The following MEGF9 variants were observed in gnomAD, a reference collection of about 807,000 sequenced individuals.
MEGF9 encodes multiple EGF like domains 9.
Under a neutral mutation model 46.8 loss-of-function variants are expected in MEGF9, and 6 were observed. That is an observed-to-expected ratio of 0.13 (90% CI 0.07 to 0.25). MEGF9 has a LOEUF of 0.25. MEGF9 is among the 10% of genes least tolerant of loss of function. MEGF9 has a pLI of 1.00. For missense variants in MEGF9, 683 were observed against 792.4 expected, an observed-to-expected ratio of 0.86 and a Z score of 1.66; for synonymous variants, 302 against 330.7, an observed-to-expected ratio of 0.91 and a Z score of 0.94.
At chr9:120,668,320 A>G (rs1001633610) in intron 1 of MEGF9, among the ~76,000 whole-genome samples, 1 of 152,234 alleles carries the variant, frequency 6.6e-6, no homozygotes, top group Admixed American at 6.5e-5. Context: ...GAAACTTAAT[A>G]TTAAAGCTGA....
chr9:120,664,522 C>T (rs748429659), intron 1 of MEGF9, among the ~76,000 whole-genome samples: 1 of 152,082 alleles, frequency 6.6e-6, no homozygotes, highest in Non-Finnish European at 1.5e-5. Context: ...ATGGAAATCT[C>T]CTAGAACAAA....
At chr9:120,663,166 C>A (rs2043710188) in intron 1 of MEGF9, among the ~76,000 whole-genome samples, 1 of 152,020 alleles carries the variant, frequency 6.6e-6, no homozygotes, top group Non-Finnish European at 1.5e-5. Flanking sequence ...ACTTCTGCCC[C>A]AAAAAACCAA....
intron 1 of MEGF9, among the ~76,000 whole-genome samples, chr9:120,701,968 G>A (rs572070429): frequency 1.3e-3 from 196 of 152,138 alleles, no homozygotes; most frequent in Non-Finnish European, 1.5e-3. Flanking sequence ...GCGTGAACCC[G>A]GGAGGCGGAG....
intron 1 of MEGF9, among the ~76,000 whole-genome samples, chr9:120,711,376 A>G (rs1178704513): frequency 6.6e-6 from 1 of 152,258 alleles, no homozygotes; most frequent in Non-Finnish European, 1.5e-5. Flanking sequence ...GAATACCACA[A>G]GTTGCAAAAC....
intron 1 of MEGF9, among the ~76,000 whole-genome samples, chr9:120,662,010 A>C (rs184837804): frequency 1.3e-5 from 2 of 152,294 alleles, no homozygotes; most frequent in Admixed American, 1.3e-4. Flanking sequence ...ACTAAAAAAA[A>C]TTTTCTACAA....
At chr9:120,649,610 A>C (rs1399807626) in intron 2 of MEGF9, among the ~76,000 whole-genome samples, 1 of 152,152 alleles carries the variant, frequency 6.6e-6, no homozygotes, top group Non-Finnish European at 1.5e-5. Context: ...CTAGGTAAAT[A>C]ATTTTCTTAC....
At chr9:120,647,669 C>T (rs987477110) in intron 2 of MEGF9, among the ~76,000 whole-genome samples, 4 of 152,140 alleles carry the variant, frequency 2.6e-5, no homozygotes, top group Non-Finnish European at 4.4e-5. Flanking sequence ...TGCTTTCCTA[C>T]AAAATAGCAT....
chr9:120,656,311 G>T (rs930078867), intron 2 of MEGF9, among the ~76,000 whole-genome samples: 1 of 152,102 alleles, frequency 6.6e-6, no homozygotes, highest in East Asian at 1.9e-4. Context: ...ACTTTGGGAG[G>T]CTAAGGCAGG....
intron 2 of MEGF9, 117 bp downstream of exon 2, chr9:120,659,257 G>A: frequency 1.6e-6 from 1 of 631,738 alleles, no homozygotes; most frequent in Non-Finnish European, 2.5e-6. Context: ...AAAATATTTT[G>A]TAAATCTATG....
In MEGF9 at chr9:120,659,364, T is replaced by C; in HGVS notation, c.803+10A>G. 1 of 1,611,630 alleles carries C rather than the reference T, an allele frequency of 6.2e-7. No homozygotes were observed. The highest frequency in any genetic ancestry group is 1.1e-5 in the South Asian group (1 of 90,852). On this transcript the variant is annotated intron_variant, in intron 2 of 5. Coordinates refer to ENST00000373930, the MANE Select transcript of MEGF9 (RefSeq NM_001080497.3). ...TAAAATAAACTTCAGTTCCACCCTC[T>C]GTTGCTTACCTGTTGCACGGTATGC...
At chr9:120,664,266 G>A (rs902288017) in intron 1 of MEGF9, among the ~76,000 whole-genome samples, 68 of 152,246 alleles carry the variant, frequency 4.5e-4, no homozygotes, top group African/African-American at 1.6e-3. Context: ...TATTTGGTAT[G>A]TTCTGGTATT....
chr9:120,630,556 T>C (rs2043546069), intron 2 of MEGF9, among the ~76,000 whole-genome samples: 1 of 152,250 alleles, frequency 6.6e-6, no homozygotes, highest in African/African-American at 2.4e-5. Context: ...ATATGATAGT[T>C]CTATTTTTAG....
intron 2 of MEGF9, among the ~76,000 whole-genome samples, chr9:120,656,364 G>A (rs1451932332): frequency 6.6e-6 from 1 of 151,882 alleles, no homozygotes; most frequent in African/African-American, 2.4e-5. Flanking sequence ...TGGCTAACAC[G>A]GTGAAACCCC....
At chr9:120,702,445 T>C (rs1272587638) in intron 1 of MEGF9, among the ~76,000 whole-genome samples, 1 of 152,212 alleles carries the variant, frequency 6.6e-6, no homozygotes, top group Admixed American at 6.5e-5. Context: ...GAATTGGATA[T>C]AGTCACGAAA....
chr9:120,685,894 G>A (rs1039540396), intron 1 of MEGF9, among the ~76,000 whole-genome samples: 3 of 152,120 alleles, frequency 2.0e-5, no homozygotes, highest in African/African-American at 2.4e-5. Context: ...CCCTAAAAAT[G>A]AAGGAAATCC....
intron 1 of MEGF9, among the ~76,000 whole-genome samples, chr9:120,686,572 A>G (rs1215161662): frequency 6.6e-6 from 1 of 152,254 alleles, no homozygotes; most frequent in East Asian, 1.9e-4. Flanking sequence ...GTATGCTGGT[A>G]GGCATTCCTT....
Position 120,695,603 on chromosome 9 carries a change from C to CAAAAAAAAAA in MEGF9, c.601+18145_601+18154dup, listed in dbSNP as rs370281228. 8.6e-4 allele frequency among the ~76,000 whole-genome samples: 16 copies of CAAAAAAAAAA among 18,686 alleles called. 1 individual carries two copies. The highest frequency in any genetic ancestry group is 1.8e-3 in the African/African-American group (15 of 8,266). The allele number at this position is 18,686 out of a possible 152,430, so 12.3% of individuals were successfully genotyped here. ...TGGGTGACAGTGTGAGACCCCATCTCAAAAAAAAAAAAAAAAAAAAAAAAA... is the reference window on the plus strand; with the variant it reads ...TGGGTGACAGTGTGAGACCCCATCTCAAAAAAAAAAAAAAAAAAAAAAAAAAAAAAAAAAA... On this transcript the variant is annotated intron_variant, in intron 1 of 5. Coordinates refer to ENST00000373930, the MANE Select transcript of MEGF9 (RefSeq NM_001080497.3).
At chr9:120,633,179 T>G (rs998973410) in intron 2 of MEGF9, among the ~76,000 whole-genome samples, 1 of 152,206 alleles carries the variant, frequency 6.6e-6, no homozygotes, top group Non-Finnish European at 1.5e-5. Context: ...TTAGTTCTTC[T>G]TCATATGTTT....
At chr9:120,705,394 G>A (rs868220441) in intron 1 of MEGF9, among the ~76,000 whole-genome samples, 1 of 151,964 alleles carries the variant, frequency 6.6e-6, no homozygotes, top group South Asian at 2.1e-4. Context: ...GGAGGACAAA[G>A]TGGTAAATTG....
Sources: allele counts gnomAD v4.1 joint callset (sites outside exome capture counted in the v4.1 genomes callset), GRCh38; gene constraint gnomAD v4.1.1; transcripts MANE v1.5; gene names NCBI Gene and HGNC (gene_info 2026-07-23, HGNC 2026-07-21).